SHB: variants seen among roughly 807,000 people sequenced by gnomAD.
SHB encodes the protein SH2 domain-containing adapter protein B.
In SHB, 20 loss-of-function variants were observed where a neutral mutation model predicts 52.3. The observed-to-expected ratio is 0.38, with a 90% CI of 0.27 to 0.56. SHB has a LOEUF of 0.56. Ranked by LOEUF, SHB falls within the 20% of genes least tolerant of loss-of-function variation. SHB has a pLI of 0.71. For missense variants in SHB, 825 were observed against 723.3 expected (o/e 1.14, Z -1.61); for synonymous variants, 397 against 316.5 (o/e 1.25, Z -2.70).
intron 5 of SHB, among the ~76,000 whole-genome samples, chr9:37,942,224 C>T (rs894822148): frequency 1.3e-5 from 2 of 152,206 alleles, no homozygotes; most frequent in African/African-American, 2.4e-5. Context: ...GCAGTCAACA[C>T]AAACCCGGCT....
At chr9:37,951,905 G>A (rs1355932039) in intron 4 of SHB, among the ~76,000 whole-genome samples, 2 of 152,242 alleles carry the variant, frequency 1.3e-5, no homozygotes, top group Admixed American at 1.3e-4. Flanking sequence ...GGTCCTGTGG[G>A]GGGCTACAGC....
chr9:38,028,410 C>T (rs766660471), intron 1 of SHB, among the ~76,000 whole-genome samples: 11 of 152,230 alleles, frequency 7.2e-5, no homozygotes, highest in Non-Finnish European at 1.6e-4. Flanking sequence ...CAGAACACCA[C>T]GGTGTGCCCA....
chr9:37,937,386 A>G (rs1169211480), intron 5 of SHB, among the ~76,000 whole-genome samples: 1 of 152,252 alleles, frequency 6.6e-6, no homozygotes, highest in Non-Finnish European at 1.5e-5. Context: ...TTTTAATTAA[A>G]GCATTTGGAA....
At chr9:37,923,192 A>AATT (rs1324772527) in intron 5 of SHB, among the ~76,000 whole-genome samples, 3 of 152,290 alleles carry the variant, frequency 2.0e-5, no homozygotes, top group African/African-American at 7.2e-5. Flanking sequence ...GGCCTCATGT[A>AATT]ACCCTCAGTG....
intron 1 of SHB, among the ~76,000 whole-genome samples, chr9:38,052,858 T>C (rs61264440): frequency 0.023 from 3,433 of 152,316 alleles, 118 homozygotes; most frequent in African/African-American, 0.077. Context: ...TCCCGGGATG[T>C]CCTCCTCACA....
At chr9:37,988,805 C>A (rs1820843304) in intron 2 of SHB, among the ~76,000 whole-genome samples, 1 of 152,188 alleles carries the variant, frequency 6.6e-6, no homozygotes, top group Admixed American at 6.5e-5. Context: ...TGAAGGCCTG[C>A]ATAGAACAAA....
intron 1 of SHB, among the ~76,000 whole-genome samples, chr9:38,048,301 G>A (rs1179651066): frequency 1.3e-5 from 2 of 152,016 alleles, no homozygotes; most frequent in African/African-American, 2.4e-5. Flanking sequence ...TGCAGTAATT[G>A]GAAAAGAATA....
intron 1 of SHB, among the ~76,000 whole-genome samples, chr9:38,022,822 T>C (rs769177988): frequency 1.3e-5 from 2 of 152,088 alleles, no homozygotes; most frequent in African/African-American, 4.8e-5. Flanking sequence ...AGCCAGGTGA[T>C]TCAGGAAAGA....
intron 2 of SHB, among the ~76,000 whole-genome samples, chr9:37,976,811 A>T (rs1820663100): frequency 6.6e-6 from 1 of 152,208 alleles, no homozygotes; most frequent in Non-Finnish European, 1.5e-5. Flanking sequence ...TGGCATAAAG[A>T]TATGGCAGAA....
intron 1 of SHB, among the ~76,000 whole-genome samples, chr9:38,057,411 GCTTA>G (rs879735378): frequency 3.3e-5 from 5 of 152,156 alleles, no homozygotes; most frequent in African/African-American, 4.8e-5. Flanking sequence ...TCTGAGTTTT[GCTTA>G]CTTATTATTT....
chr9:38,055,633 T>C (rs1252321119), intron 1 of SHB, among the ~76,000 whole-genome samples: 5 of 152,180 alleles, frequency 3.3e-5, no homozygotes, highest in Admixed American at 1.3e-4. Flanking sequence ...TGCCTGCCTA[T>C]GCTGGCAATG....
chr9:37,960,274 C>T (rs917643992), intron 3 of SHB, among the ~76,000 whole-genome samples: 27 of 152,204 alleles, frequency 1.8e-4, no homozygotes, highest in African/African-American at 5.8e-4. Flanking sequence ...CTTCTAATTA[C>T]GTTTCTCCTT....
chr9:37,994,278 C>T (rs1820921403), intron 2 of SHB, among the ~76,000 whole-genome samples: 1 of 152,180 alleles, frequency 6.6e-6, no homozygotes, highest in South Asian at 2.1e-4. Context: ...CCTCAAAAGT[C>T]AAATAAGTCA....
chr9:37,951,036 C>T (rs1193204339), intron 4 of SHB, among the ~76,000 whole-genome samples: 1 of 152,208 alleles, frequency 6.6e-6, no homozygotes, highest in Non-Finnish European at 1.5e-5. Flanking sequence ...ACCACCCGTC[C>T]CCATGCAATT....
At chr9:37,990,586 T>C (rs1303722611) in intron 2 of SHB, among the ~76,000 whole-genome samples, 2 of 152,236 alleles carry the variant, frequency 1.3e-5, no homozygotes, top group African/African-American at 2.4e-5. Flanking sequence ...TCATAGACTG[T>C]TGGAGGAGTA....
At chr9:38,065,545 G>A (rs2118203480) in intron 1 of SHB, among the ~76,000 whole-genome samples, 1 of 152,268 alleles carries the variant, frequency 6.6e-6, no homozygotes, top group South Asian at 2.1e-4. Flanking sequence ...GTTGTAACCA[G>A]CCCTATAGGT....
chr9:37,921,878 G>A (rs1436632473), intron 5 of SHB, among the ~76,000 whole-genome samples: 1 of 152,238 alleles, frequency 6.6e-6, no homozygotes, highest in Non-Finnish European at 1.5e-5. Flanking sequence ...CTGAAACTGT[G>A]TGGCTGAGAA....
At chr9:38,027,299 C>T (rs771803260) in intron 1 of SHB, among the ~76,000 whole-genome samples, 3 of 152,164 alleles carry the variant, frequency 2.0e-5, no homozygotes, top group East Asian at 1.9e-4. Flanking sequence ...AAGCCTGAGC[C>T]CTCCCACTTT....
chr9:38,039,763 G>A (rs1002680877), intron 1 of SHB, among the ~76,000 whole-genome samples: 2 of 152,234 alleles, frequency 1.3e-5, no homozygotes, highest in African/African-American at 2.4e-5. Context: ...CAGGCTGGCC[G>A]GGCCCACCAT....
Sources: gnomAD v4.1 joint callset for allele counts (sites outside exome capture counted in the v4.1 genomes callset) on GRCh38, gnomAD v4.1.1 for gene constraint, MANE v1.5 for transcripts, NCBI Gene and HGNC (gene_info 2026-07-23, HGNC 2026-07-21) for gene names.